Variants in COPA observed in about 807,000 individuals in gnomAD.
The protein encoded by COPA is coatomer subunit alpha.
Under a neutral mutation model 158.7 loss-of-function variants are expected in COPA, and 10 were observed. The ratio of observed to expected loss-of-function variants is 0.06; its 90% CI spans 0.04 to 0.11. COPA has a LOEUF of 0.11. COPA is among the 10% of genes least tolerant of loss of function. The pLI is 1.00. For synonymous variants in COPA, 462 were observed against 542.8 expected (o/e 0.85, Z 2.07); for missense variants, 1,065 against 1,536.7 (o/e 0.69, Z 5.13).
chr1:160,341,210 A>C (rs547207211), intron 1 of COPA, among the ~76,000 whole-genome samples: 1 of 152,354 alleles, frequency 6.6e-6, no homozygotes, highest in South Asian at 2.1e-4. Flanking sequence ...AACAGTTTGA[A>C]GTGTATCCTT....
At chr1:160,320,864 C>A (rs1276630011) in intron 8 of COPA, among the ~76,000 whole-genome samples, 1 of 144,924 alleles carries the variant, frequency 6.9e-6, no homozygotes, top group Non-Finnish European at 1.5e-5. Context: ...GCCAGCATTA[C>A]TCTGATAACA....
intron 20 of COPA, 54 bp downstream of exon 20, chr1:160,297,502 C>T (rs1658454128): frequency 6.2e-7 from 1 of 1,612,280 alleles, no homozygotes; most frequent in East Asian, 2.2e-5. Context: ...CCTTAATTCA[C>T]CTTCCTCCTT....
At chr1:160,305,364 A>C in intron 17 of COPA, 69 bp downstream of exon 17, 4 of 1,508,854 alleles carry the variant, frequency 2.7e-6, no homozygotes, top group Non-Finnish European at 3.6e-6. Flanking sequence ...CTTCAGTTAC[A>C]TCTCAAGACA....
Position 160,323,488 on chromosome 1 carries a change from T to G in COPA, c.649A>C (p.Met217Leu). ...GVNWAAFHPT[M>L]PLIVSGADDR... The stretch of plus-strand genomic sequence containing the variant: ...TCTGCCCCAGATACAATAAGGGGCA[T>G]AGTGGGGTGGAAGGCAGCCCAGTTT... The change falls in exon 8 of 33, where the codon ATG becomes CTG. Residue 217 changes from methionine (M) to leucine (L), a missense_variant. Met to Leu is a conservative substitution (Grantham distance 15, BLOSUM62 2). Coordinates refer to ENST00000241704, the MANE Select transcript of COPA (RefSeq NM_004371.4). 1 of 1,611,118 alleles carries G rather than the reference T, an allele frequency of 6.2e-7. No individual in the cohort carries two copies. The highest frequency in any genetic ancestry group is 1.1e-5 in the South Asian group (1 of 90,632).
chr1:160,290,873 C>T (rs1385841931), intron 31 of COPA, among the ~76,000 whole-genome samples, 187 bp from the exon 32 acceptor site: 2 of 152,186 alleles, frequency 1.3e-5, no homozygotes, highest in East Asian at 1.9e-4. Flanking sequence ...ATCAAACTTT[C>T]CCCTTCTCAA....
chr1:160,305,379 A>C (rs2101836348), intron 17 of COPA, 54 bp downstream of exon 17: 1 of 1,569,242 alleles, frequency 6.4e-7, no homozygotes, highest in South Asian at 1.1e-5. Context: ...AAGACAAGAC[A>C]GTGATTTCAG....
At chr1:160,314,225 C>A in intron 8 of COPA, 100 bp from the exon 9 acceptor site, 1 of 1,303,308 alleles carries the variant, frequency 7.7e-7, no homozygotes, top group South Asian at 1.6e-5. Context: ...AGTACTATTA[C>A]AGAATGCTAA....
At chr1:160,296,000 T>C (rs923366879) in intron 22 of COPA, 61 bp downstream of exon 22, 9 of 1,588,152 alleles carry the variant, frequency 5.7e-6, no homozygotes, top group Non-Finnish European at 7.8e-6. Flanking sequence ...TAATTTTAAA[T>C]TGTTCTAAGA....
chr1:160,331,352 T>C (rs898710675), intron 6 of COPA, among the ~76,000 whole-genome samples: 3 of 152,108 alleles, frequency 2.0e-5, no homozygotes, highest in Non-Finnish European at 4.4e-5. Flanking sequence ...CCTAAATCTG[T>C]CCATTAAAAG....
Position 160,339,988 on chromosome 1 carries a change from G to A in COPA, c.155-6C>T. On this transcript the variant is annotated splice_region_variant and splice_polypyrimidine_tract_variant and intron_variant, in intron 2 of 32. Transcript: ENST00000241704. The stretch of plus-strand genomic sequence containing the variant: ...GTCAATGCCTCGCACTGGACCTGGT[G>A]GAGAAGGCAGGCAATGTATGTTAGA... 1.2e-6 allele frequency: 2 copies of A among 1,613,952 alleles called. No homozygotes were observed. The highest frequency in any genetic ancestry group is 1.7e-6 in the Non-Finnish European group (2 of 1,179,838).
chr1:160,328,191 A>G (rs1647346189), intron 6 of COPA, among the ~76,000 whole-genome samples: 1 of 152,206 alleles, frequency 6.6e-6, no homozygotes, highest in African/African-American at 2.4e-5. Flanking sequence ...TGTCCCTTTA[A>G]TAAGATCTGT....
At chr1:160,330,121 C>T (rs571169792) in intron 6 of COPA, among the ~76,000 whole-genome samples, 56 of 150,638 alleles carry the variant, frequency 3.7e-4, no homozygotes, top group African/African-American at 1.3e-3. Context: ...CCCACCGCCA[C>T]CCCCCCCAAA....
At chr1:160,336,708 T>G (rs1443085688) in intron 3 of COPA, among the ~76,000 whole-genome samples, 1 of 152,210 alleles carries the variant, frequency 6.6e-6, no homozygotes, top group African/African-American at 2.4e-5. Context: ...TTTCTTCTTA[T>G]TTAATTTTTT....
At chr1:160,310,473 A>G in intron 11 of COPA, 1 of 351,828 alleles carries the variant, frequency 2.8e-6, no homozygotes, top group South Asian at 6.4e-5. Context: ...TTAAAAAGTA[A>G]GCCATAGTAG....
At chr1:160,320,538 G>A (rs186801608) in intron 8 of COPA, among the ~76,000 whole-genome samples, 640 of 149,394 alleles carry the variant, frequency 4.3e-3, no homozygotes, top group South Asian at 0.011. Flanking sequence ...GAACCCAGGA[G>A]GTGGAGGCTG....
intron 9 of COPA, 137 bp from the exon 10 acceptor site, chr1:160,313,304 C>T (rs1659028744): frequency 1.4e-6 from 1 of 689,992 alleles, no homozygotes; most frequent in Non-Finnish European, 2.5e-6. Flanking sequence ...TCCTAAGTAA[C>T]AGTAGTCGTG....
Position 160,318,479 on chromosome 1 carries a change from A to AC in COPA, c.707-4355_707-4354insG, listed in dbSNP as rs1382175419. ...ATAAACAATATTTGTAAAAAAAAAA[A>AC]AAAAAAAAAAAACAAAAAAAAAAAA... On this transcript the variant is annotated intron_variant, in intron 8 of 32. Transcript: ENST00000241704. Among the ~76,000 whole-genome samples, 95 of 72,606 alleles carry AC rather than the reference A, an allele frequency of 1.3e-3. No homozygotes were observed. The East Asian group carries it at 0.023, about 17-fold the overall frequency. 47.6% of individuals were successfully genotyped at this position (72,606 alleles called of 152,430 possible).
chr1:160,342,135 A>AT (rs1442979788), intron 1 of COPA, among the ~76,000 whole-genome samples: 4 of 152,138 alleles, frequency 2.6e-5, no homozygotes, highest in Non-Finnish European at 5.9e-5. Context: ...ATACTTTCTC[A>AT]TTTTAATACT....
rs374742732 is a variant in COPA, at chr1:160,339,866, C to T, written c.228+43G>A. On this transcript the variant is annotated intron_variant, in intron 3 of 32. Transcript: ENST00000241704. ...CTTTCATGATTCCCAAACCTTCCCA[C>T]ATCCTCTTTCCTTTATTCTCAGTTA... The T allele has an allele frequency of 2.2e-5, 35 of 1,565,604 alleles. No individual in the cohort carries two copies. The African/African-American group carries it at 4.2e-4, about 19-fold the overall frequency.
Sources: gnomAD v4.1 joint callset for allele counts (sites outside exome capture counted in the v4.1 genomes callset) on GRCh38, gnomAD v4.1.1 for gene constraint, MANE v1.5 for transcripts, NCBI Gene and HGNC (gene_info 2026-07-23, HGNC 2026-07-21) for gene names.